SND1: variants seen among roughly 807,000 people sequenced by gnomAD.
The protein encoded by SND1 is staphylococcal nuclease and tudor domain containing 1.
In SND1, 38 loss-of-function variants were observed where a neutral mutation model predicts 121.7. The ratio of observed to expected loss-of-function variants is 0.31; its 90% confidence interval spans 0.24 to 0.41. The LOEUF (loss-of-function observed/expected upper bound fraction) is 0.41, where lower values mean the gene tolerates loss of function less well. Among genes scored for constraint, SND1 ranks in the 10% least tolerant of loss-of-function variants. The pLI is 1.00. For missense variants in SND1, 868 were observed against 1,184.6 expected (o/e 0.73, Z 3.92); for synonymous variants, 401 against 447.4 (o/e 0.90, Z 1.31).
At chr7:127,715,157 T>C (rs1472330485) in intron 9 of SND1, among the ~76,000 whole-genome samples, 2 of 51,606 alleles carry the variant, frequency 3.9e-5, no homozygotes, top group Non-Finnish European at 8.5e-5. Flanking sequence ...GGGTTTTTTT[T>C]GGTTTTGTTT....
chr7:127,677,937 T>C (rs754596699), intron 1 of SND1, among the ~76,000 whole-genome samples: 1 of 152,236 alleles, frequency 6.6e-6, no homozygotes, highest in Non-Finnish European at 1.5e-5. Flanking sequence ...TTTTGTAATA[T>C]TGGACTCTAA....
chr7:127,711,362 T>C (rs1796294115), intron 9 of SND1, among the ~76,000 whole-genome samples: 1 of 152,240 alleles, frequency 6.6e-6, no homozygotes, highest in Admixed American at 6.5e-5. Flanking sequence ...ATAGTTTAGC[T>C]GGATATAGAA....
intron 10 of SND1, among the ~76,000 whole-genome samples, chr7:127,791,990 G>A (rs780434833): frequency 6.6e-6 from 1 of 152,206 alleles, no homozygotes; most frequent in Non-Finnish European, 1.5e-5. Flanking sequence ...CACTATCCAT[G>A]AGAGTGTTCA....
chr7:127,734,054 A>G (rs996662775), intron 10 of SND1, among the ~76,000 whole-genome samples: 14 of 151,998 alleles, frequency 9.2e-5, no homozygotes, highest in Admixed American at 5.2e-4. Flanking sequence ...GCTCTTACCA[A>G]TGGAAGAGTG....
chr7:127,887,639 A>ATT (rs57655542), intron 12 of SND1, among the ~76,000 whole-genome samples: 5,052 of 145,048 alleles, frequency 0.035, 94 homozygotes, highest in Non-Finnish European at 0.052. Flanking sequence ...CTTTTTACAG[A>ATT]TTTTTTTTTT....
intron 12 of SND1, chr7:127,858,340 C>T: frequency 3.8e-6 from 5 of 1,322,444 alleles, no homozygotes; most frequent in Non-Finnish European, 5.3e-6. Context: ...CTCCTCGGGC[C>T]CCCAGATGCC....
At chr7:127,905,256 G>T (rs1234232222) in intron 14 of SND1, among the ~76,000 whole-genome samples, 2 of 152,082 alleles carry the variant, frequency 1.3e-5, no homozygotes, top group African/African-American at 2.4e-5. Flanking sequence ...TCCTCTGCTT[G>T]CCTGTAAGTG....
intron 14 of SND1, among the ~76,000 whole-genome samples, chr7:127,908,446 C>T (rs1349586130): frequency 6.6e-6 from 1 of 151,058 alleles, no homozygotes; most frequent in Non-Finnish European, 1.5e-5. Flanking sequence ...CAAGCTGGTA[C>T]CTTAGATCCT....
chr7:127,939,588 G>A (rs1007238526), intron 15 of SND1, among the ~76,000 whole-genome samples: 1 of 152,144 alleles, frequency 6.6e-6, no homozygotes, highest in Non-Finnish European at 1.5e-5. Context: ...TGACCTGGAG[G>A]TGAGGGAGAC....
intron 10 of SND1, among the ~76,000 whole-genome samples, chr7:127,758,014 T>A (rs1412304400): frequency 6.6e-6 from 1 of 152,230 alleles, no homozygotes; most frequent in African/African-American, 2.4e-5. Flanking sequence ...AAGCAATCGC[T>A]ATGCCGCAAG....
At chr7:127,868,980 G>T (rs534903411) in intron 12 of SND1, among the ~76,000 whole-genome samples, 5 of 152,078 alleles carry the variant, frequency 3.3e-5, no homozygotes, top group African/African-American at 1.2e-4. Flanking sequence ...TATTTTGTGC[G>T]GCACTTTCGT....
chr7:127,867,508 T>A (rs1248753841), intron 12 of SND1, among the ~76,000 whole-genome samples: 1 of 152,202 alleles, frequency 6.6e-6, no homozygotes, highest in East Asian at 1.9e-4. Flanking sequence ...GCTGTTCCTT[T>A]ACTCAAATGA....
chr7:127,841,456 GC>G (rs1798963634), intron 11 of SND1, among the ~76,000 whole-genome samples: 1 of 152,038 alleles, frequency 6.6e-6, no homozygotes, highest in Non-Finnish European at 1.5e-5. Flanking sequence ...TTTAAAATGG[GC>G]CCTGAGATAC....
intron 14 of SND1, among the ~76,000 whole-genome samples, chr7:127,924,416 C>T (rs1386014230): frequency 6.6e-6 from 1 of 152,192 alleles, no homozygotes; most frequent in African/African-American, 2.4e-5. Context: ...TAGGTTTAGT[C>T]TATTCCCATT....
intron 12 of SND1, among the ~76,000 whole-genome samples, chr7:127,865,965 C>G (rs1051751421): frequency 6.8e-6 from 1 of 146,732 alleles, no homozygotes; most frequent in Non-Finnish European, 1.5e-5. Context: ...TTTGTATCAT[C>G]TTACTCTCAT....
chr7:127,976,815 G>C (rs924173556), intron 15 of SND1, among the ~76,000 whole-genome samples: 1 of 152,170 alleles, frequency 6.6e-6, no homozygotes, highest in African/African-American at 2.4e-5. Flanking sequence ...ACACCACCAG[G>C]GTCTCCACAG....
intron 16 of SND1, among the ~76,000 whole-genome samples, chr7:128,043,072 A>G (rs1383131543): frequency 6.6e-6 from 1 of 152,186 alleles, no homozygotes; most frequent in Non-Finnish European, 1.5e-5. Flanking sequence ...CGTGAATGGC[A>G]GGCTGGGCTT....
At chr7:127,899,745 A>G (rs1461092820) in intron 13 of SND1, among the ~76,000 whole-genome samples, 1 of 152,162 alleles carries the variant, frequency 6.6e-6, no homozygotes, top group African/African-American at 2.4e-5. Context: ...TGTAGCTTCA[A>G]AAGGGATTGC....
At position 127,721,408 on chromosome 7, in the gene SND1, T is replaced by C. The variant is rs1796493844; in HGVS notation, c.1152+8T>C. On this transcript the variant is annotated splice_region_variant and intron_variant, in intron 10 of 23. Coordinates refer to ENST00000354725, the MANE Select transcript of SND1 (RefSeq NM_014390.4). ...GAGGGGGAGAACACCCAGGTGAGAA[T>C]AGGGAAGCAGCCGCGCCTCTTTGCA... 5.8e-6 allele frequency: 9 copies of C among 1,561,634 alleles called. No homozygotes were observed. The highest frequency in any genetic ancestry group is 7.9e-6 in the Non-Finnish European group (9 of 1,135,796).
Sources: allele counts gnomAD v4.1 joint callset (sites outside exome capture counted in the v4.1 genomes callset), GRCh38; gene constraint gnomAD v4.1.1; transcripts MANE v1.5; gene names NCBI Gene and HGNC (gene_info 2026-07-23, HGNC 2026-07-21).